Variants in NUDT3 observed in about 807,000 individuals in gnomAD.
The protein encoded by NUDT3 is nudix hydrolase 3, also known as diphosphoinositol polyphosphate phosphohydrolase 1.
In NUDT3, 9 loss-of-function variants were observed where a neutral mutation model predicts 23.6. That is an observed-to-expected ratio of 0.38 (90% CI 0.23 to 0.66). The LOEUF (loss-of-function observed/expected upper bound fraction) is 0.66, where lower values mean the gene tolerates loss of function less well. Ranked by LOEUF, NUDT3 falls within the 30% of genes least tolerant of loss-of-function variation. NUDT3 has a pLI of 0.52. For missense variants in NUDT3, 172 were observed against 218.5 expected, an observed-to-expected ratio of 0.79 and a Z score of 1.34; for synonymous variants, 86 against 82.6, an observed-to-expected ratio of 1.04 and a Z score of -0.22.
intron 1 of NUDT3, among the ~76,000 whole-genome samples, chr6:34,346,757 T>C (rs1308563440): frequency 6.6e-6 from 1 of 151,794 alleles, no homozygotes; most frequent in Non-Finnish European, 1.5e-5. Flanking sequence ...AAAAAGTTTC[T>C]GTTTCTGCTT....
chr6:34,302,357 C>T (rs1763610924), intron 2 of NUDT3, among the ~76,000 whole-genome samples: 1 of 152,168 alleles, frequency 6.6e-6, no homozygotes, highest in African/African-American at 2.4e-5. Flanking sequence ...CCCTTGTTTT[C>T]AATGTTCTTT....
chr6:34,367,702 GCTTT>G (rs200810243), intron 1 of NUDT3, among the ~76,000 whole-genome samples: 2 of 152,108 alleles, frequency 1.3e-5, no homozygotes, highest in Non-Finnish European at 2.9e-5. Context: ...ACATACATTG[GCTTT>G]CTTTTTCTCA....
At chr6:34,375,335 C>T (rs918079774) in intron 1 of NUDT3, among the ~76,000 whole-genome samples, 3 of 151,902 alleles carry the variant, frequency 2.0e-5, no homozygotes, top group African/African-American at 7.3e-5. Context: ...CAGAGTAAGA[C>T]TCTGTATCAA....
chr6:34,381,243 CT>C (rs1765013049), intron 1 of NUDT3, among the ~76,000 whole-genome samples: 1 of 152,100 alleles, frequency 6.6e-6, no homozygotes, highest in South Asian at 2.1e-4. Context: ...GTCTCAAACT[CT>C]TGAGCTCAAG....
At chr6:34,359,286 T>C (rs1422773705) in intron 1 of NUDT3, among the ~76,000 whole-genome samples, 1 of 152,126 alleles carries the variant, frequency 6.6e-6, no homozygotes, top group African/African-American at 2.4e-5. Context: ...GGCAGGATAA[T>C]TGCTTGAACC....
intron 1 of NUDT3, among the ~76,000 whole-genome samples, chr6:34,370,665 G>T (rs1764812226): frequency 1.3e-5 from 2 of 152,282 alleles, no homozygotes; most frequent in Middle Eastern, 3.4e-3. Flanking sequence ...GTTAATTTTA[G>T]ACTAAGCTGA....
chr6:34,339,571 A>G (rs1252652663), intron 2 of NUDT3, among the ~76,000 whole-genome samples: 2 of 152,212 alleles, frequency 1.3e-5, no homozygotes, highest in Admixed American at 1.3e-4. Flanking sequence ...TGGTCCATCA[A>G]TTACACTCTG....
intron 2 of NUDT3, among the ~76,000 whole-genome samples, chr6:34,317,328 C>G (rs1334926061): frequency 4.6e-5 from 7 of 152,022 alleles, no homozygotes; most frequent in African/African-American, 1.2e-4. Flanking sequence ...AACTACCTAC[C>G]TACCCACTAA....
chr6:34,297,733 A>AT (rs1763528756), intron 2 of NUDT3, among the ~76,000 whole-genome samples: 2 of 25,978 alleles, frequency 7.7e-5, no homozygotes, highest in East Asian at 6.1e-4. Context: ...AAAAAAAAAT[A>AT]TATATATATA....
At chr6:34,365,369 C>A (rs1235852945) in intron 1 of NUDT3, among the ~76,000 whole-genome samples, 2 of 152,078 alleles carry the variant, frequency 1.3e-5, no homozygotes, top group African/African-American at 2.4e-5. Context: ...GCAGAGGTTG[C>A]AGTGAACCAA....
intron 1 of NUDT3, among the ~76,000 whole-genome samples, chr6:34,359,162 A>G (rs940326696): frequency 1.3e-5 from 2 of 152,176 alleles, no homozygotes; most frequent in Non-Finnish European, 2.9e-5. Flanking sequence ...TCACAAGGTC[A>G]GGAGATCGAA....
At chr6:34,374,092 G>GT in intron 1 of NUDT3, among the ~76,000 whole-genome samples, 1 of 149,448 alleles carries the variant, frequency 6.7e-6, no homozygotes, top group African/African-American at 2.5e-5. Flanking sequence ...GGGAGGCAGA[G>GT]GTTGCAGCAA....
chr6:34,339,917 T>C (rs2113733357), intron 2 of NUDT3, among the ~76,000 whole-genome samples: 1 of 152,330 alleles, frequency 6.6e-6, no homozygotes, highest in Admixed American at 6.5e-5. Flanking sequence ...AAGAGGTTTC[T>C]CAAAGTCAAA....
intron 1 of NUDT3, among the ~76,000 whole-genome samples, chr6:34,367,153 G>A (rs1764748246): frequency 6.6e-6 from 1 of 152,058 alleles, no homozygotes; most frequent in South Asian, 2.1e-4. Context: ...CAAAATGCTG[G>A]GATTACAGGT....
chr6:34,311,227 G>A (rs1581858139), intron 2 of NUDT3, among the ~76,000 whole-genome samples: 2 of 152,242 alleles, frequency 1.3e-5, no homozygotes, highest in Admixed American at 6.5e-5. Flanking sequence ...CAATTAGCTT[G>A]TTTTTAGGCT....
intron 2 of NUDT3, among the ~76,000 whole-genome samples, chr6:34,312,258 C>T (rs180737415): frequency 1.0e-3 from 157 of 151,926 alleles, no homozygotes; most frequent in African/African-American, 3.5e-3. Context: ...AAAAATTAGC[C>T]GAGTGTGGTG....
intron 1 of NUDT3, among the ~76,000 whole-genome samples, chr6:34,374,906 T>A (rs896581622): frequency 2.0e-5 from 3 of 152,254 alleles, no homozygotes; most frequent in African/African-American, 7.2e-5. Flanking sequence ...TCTGATCTTA[T>A]AACATGCTCT....
chr6:34,331,431 A>G (rs558367507), intron 2 of NUDT3, among the ~76,000 whole-genome samples: 2 of 152,154 alleles, frequency 1.3e-5, no homozygotes, highest in Non-Finnish European at 2.9e-5. Context: ...GACACTGTAC[A>G]TACTAACTTG....
chr6:34,331,011 C>T (rs1287045857), intron 2 of NUDT3, among the ~76,000 whole-genome samples: 3 of 152,120 alleles, frequency 2.0e-5, no homozygotes, highest in Non-Finnish European at 4.4e-5. Context: ...CATGCTACCA[C>T]GCCCAGCTAA....
Sources: gnomAD v4.1 joint callset for allele counts (sites outside exome capture counted in the v4.1 genomes callset) on GRCh38, gnomAD v4.1.1 for gene constraint, MANE v1.5 for transcripts, NCBI Gene and HGNC (gene_info 2026-07-23, HGNC 2026-07-21) for gene names.